The following CFAP57 variants were observed in gnomAD, a reference collection of about 807,000 sequenced individuals.
CFAP57 encodes cilia- and flagella-associated protein 57.
In CFAP57, 116 loss-of-function variants were observed where a neutral mutation model predicts 146.8. That is an observed-to-expected ratio of 0.79 (90% CI 0.68 to 0.92). The LOEUF is 0.92. CFAP57 is among the 40% of genes least tolerant of loss of function. CFAP57 has a pLI of 0.00. For synonymous variants in CFAP57, 518 were observed against 552.8 expected (o/e 0.94, Z 0.88); for missense variants, 1,377 against 1,527.2 (o/e 0.90, Z 1.64).
Position 43,197,671 on chromosome 1 carries a change from G to C in CFAP57, c.1241G>C (p.Arg414Pro). Residue 414 changes from arginine (R) to proline (P), a missense_variant, in exon 7 of 23, where the codon CGC (arginine) becomes CCC (proline). Transcript: ENST00000372492. ...IATCSLDRSI[R>P]LWNYETNTLE... ...ACCTGTTCTCTGGATCGATCCATCCGCCTTTGGAATTATGAAACAAAGTAA... is the reference window on the plus strand; with the variant it reads ...ACCTGTTCTCTGGATCGATCCATCCCCCTTTGGAATTATGAAACAAAGTAA... The C allele has an allele frequency of 6.2e-7, 1 of 1,614,126 alleles. No homozygotes were observed. The highest frequency in any genetic ancestry group is 8.5e-7 in the Non-Finnish European group (1 of 1,180,034).
chr1:43,187,502 A>G (rs1419000597), intron 6 of CFAP57, among the ~76,000 whole-genome samples: 1 of 152,134 alleles, frequency 6.6e-6, no homozygotes, highest in African/African-American at 2.4e-5. Context: ...TGATTCACAT[A>G]CAAATTGCCT....
intron 2 of CFAP57, among the ~76,000 whole-genome samples, chr1:43,179,961 C>G (rs1645323599): frequency 6.6e-6 from 1 of 151,908 alleles, no homozygotes; most frequent in Admixed American, 6.6e-5. Context: ...AATCCCAACA[C>G]TCTGGGAGGC....
chr1:43,200,320 T>A (rs371961094), intron 9 of CFAP57, among the ~76,000 whole-genome samples: 1 of 151,896 alleles, frequency 6.6e-6, no homozygotes, highest in African/African-American at 2.4e-5. Flanking sequence ...ACCCTGTTTC[T>A]ACAAAAAGTA....
chr1:43,192,478 C>G (rs1643597746), intron 6 of CFAP57, among the ~76,000 whole-genome samples: 1 of 152,068 alleles, frequency 6.6e-6, no homozygotes, highest in Non-Finnish European at 1.5e-5. Context: ...ACAAAATTAG[C>G]CAGGCGTGGT....
At chr1:43,226,833 C>T in intron 17 of CFAP57, 150 bp from the exon 18 acceptor site, 2 of 815,662 alleles carry the variant, frequency 2.5e-6, no homozygotes, top group South Asian at 3.4e-5. Context: ...GGGGGAGTGC[C>T]AGCCTCTGTA....
intron 8 of CFAP57, among the ~76,000 whole-genome samples, chr1:43,199,031 G>A (rs1643992243): frequency 6.6e-6 from 1 of 152,214 alleles, no homozygotes; most frequent in African/African-American, 2.4e-5. Context: ...AATGGTGAGA[G>A]GTAATAAAGA....
Position 43,181,867 on chromosome 1 carries a change from C to G in CFAP57, c.474+17C>G. The G allele has an allele frequency of 1.2e-6, 2 of 1,611,842 alleles. No homozygotes were observed. The highest frequency in any genetic ancestry group is 1.7e-6 in the Non-Finnish European group (2 of 1,177,982). On this transcript the variant is annotated intron_variant, in intron 3 of 22. Transcript: ENST00000372492. ...GTCTACCAGGTACCTAGTAGTGTGACAAGTATCGTGAAAATTATAAAAAAT... is the reference window on the plus strand; with the variant it reads ...GTCTACCAGGTACCTAGTAGTGTGAGAAGTATCGTGAAAATTATAAAAAAT...
At position 43,172,461 on chromosome 1, in the gene CFAP57, G is replaced by C. The variant is rs573575781; in HGVS notation, c.-20+8G>C. On this transcript the variant is annotated splice_region_variant and intron_variant, in intron 1 of 22. Transcript: ENST00000372492. ...CCCAGAGAGAAACGAAAGGTGGGAG[G>C]GGGTACCTGGGGGTCGCCAGAAGGA... 319 of 1,543,952 alleles carry C rather than the reference G, an allele frequency of 2.1e-4. 3 individuals are homozygous for C. The East Asian group carries it at 7.7e-3, about 37-fold the overall frequency.
intron 2 of CFAP57, among the ~76,000 whole-genome samples, chr1:43,177,656 A>T (rs1430775488): frequency 6.6e-6 from 1 of 152,086 alleles, no homozygotes; most frequent in Admixed American, 6.5e-5. Context: ...CATGGACAGG[A>T]TGGAGAGGGT....
intron 6 of CFAP57, among the ~76,000 whole-genome samples, 174 bp from the exon 7 acceptor site, chr1:43,197,379 A>G (rs553470428): frequency 2.0e-4 from 30 of 152,258 alleles, no homozygotes; most frequent in Middle Eastern, 3.4e-3. Flanking sequence ...AAATAAAATA[A>G]AAAATAATAA....
At chr1:43,200,402 A>C (rs1031739912) in intron 9 of CFAP57, among the ~76,000 whole-genome samples, 1 of 151,476 alleles carries the variant, frequency 6.6e-6, no homozygotes, top group Non-Finnish European at 1.5e-5. Context: ...TGGGAGGATC[A>C]CTTGGGCCCA....
In CFAP57 at chr1:43,219,440, A is replaced by G. The variant is rs1317214947; in HGVS notation, c.2150A>G (p.Tyr717Cys). The G allele has an allele frequency of 6.4e-7, 1 of 1,550,640 alleles. No individual in the cohort carries two copies. The highest frequency in any genetic ancestry group is 8.7e-7 in the Non-Finnish European group (1 of 1,146,964). The change falls in exon 13 of 23, where the codon TAT becomes TGT. Residue 717 changes from tyrosine (Y) to cysteine (C), a missense_variant. Transcript: ENST00000372492. Reference sequence around the variant, plus strand: ...GAGGAATTAAAAATGGAGAATGAGTATCAACTCCGACTAAAGGACATGAAC... The same window carrying G: ...GAGGAATTAAAAATGGAGAATGAGTGTCAACTCCGACTAAAGGACATGAAC... ...RVEELKMENEYQLRLKDMNYS... is the reference protein window; with the variant it reads ...RVEELKMENECQLRLKDMNYS...
chr1:43,180,223 T>A (rs61299502), intron 2 of CFAP57, among the ~76,000 whole-genome samples: 6,972 of 137,358 alleles, frequency 0.051, 681 homozygotes, highest in African/African-American at 0.18. Context: ...TATATATATT[T>A]TATATATATA....
At chr1:43,177,758 G>T (rs1367305937) in intron 2 of CFAP57, among the ~76,000 whole-genome samples, 1 of 152,158 alleles carries the variant, frequency 6.6e-6, no homozygotes, top group Non-Finnish European at 1.5e-5. Flanking sequence ...TAGATCCCTC[G>T]CATGCACAGT....
intron 9 of CFAP57, among the ~76,000 whole-genome samples, chr1:43,204,875 C>T (rs1644291824): frequency 6.6e-6 from 1 of 152,048 alleles, no homozygotes; most frequent in Non-Finnish European, 1.5e-5. Context: ...GTCTTCCAGG[C>T]TGCGAGGGAT....
chr1:43,228,317 T>C (rs371854153), intron 18 of CFAP57, among the ~76,000 whole-genome samples: 2 of 152,370 alleles, frequency 1.3e-5, no homozygotes, highest in East Asian at 1.9e-4. Context: ...TTCCCCCAGA[T>C]CGCCACATGG....
chr1:43,219,558 A>G (rs2124548073), intron 13 of CFAP57, 21 bp downstream of exon 13: 3 of 1,550,128 alleles, frequency 1.9e-6, no homozygotes, highest in Non-Finnish European at 2.6e-6. Flanking sequence ...GAGACTGACC[A>G]ACAAGCACAA....
intron 21 of CFAP57, 54 bp downstream of exon 21, chr1:43,234,692 G>T: frequency 2.0e-6 from 3 of 1,515,178 alleles, no homozygotes; most frequent in Non-Finnish European, 2.7e-6. Flanking sequence ...CAAGATGAGA[G>T]ATCCCATCAA....
Position 43,183,723 on chromosome 1 carries a change from C to T in CFAP57, c.607C>T (p.His203Tyr), listed in dbSNP as rs1289688591. Residue 203 changes from histidine (H) to tyrosine (Y), a missense_variant, in exon 4 of 23, where the codon CAC (histidine) becomes TAC (tyrosine). Physicochemically the swap from His to Tyr is moderately conservative, Grantham distance 83. Transcript: ENST00000372492. ...QRGEPQNYLA[H>Y]TWVADDKIVV... Reference sequence around the variant, plus strand: ...GGGAGAACCCCAAAACTATCTAGCTCACACCTGGGTGGCTGATGACAAGAT... The same window carrying T: ...GGGAGAACCCCAAAACTATCTAGCTTACACCTGGGTGGCTGATGACAAGAT... 1 of 1,614,198 alleles carries T rather than the reference C, an allele frequency of 6.2e-7. No homozygotes were observed. The highest frequency in any genetic ancestry group is 1.3e-5 in the African/African-American group (1 of 75,048).
Sources: allele counts gnomAD v4.1 joint callset (sites outside exome capture counted in the v4.1 genomes callset), GRCh38; gene constraint gnomAD v4.1.1; transcripts MANE v1.5; gene names NCBI Gene and HGNC (gene_info 2026-07-23, HGNC 2026-07-21).